Variants in FRMD4A observed in about 807,000 individuals in gnomAD.
FRMD4A encodes the protein FERM domain-containing protein 4A.
In FRMD4A, 29 loss-of-function variants were observed where a neutral mutation model predicts 129.1. The observed-to-expected ratio is 0.22, with a 90% CI of 0.17 to 0.31. FRMD4A has a LOEUF of 0.31. Ranked by LOEUF, FRMD4A falls within the 10% of genes least tolerant of loss-of-function variation. The pLI is 1.00. For synonymous variants in FRMD4A, 634 were observed against 571.6 expected (o/e 1.11, Z -1.56); for missense variants, 1,272 against 1,375.8 (o/e 0.92, Z 1.19).
intron 5 of FRMD4A, among the ~76,000 whole-genome samples, chr10:13,788,040 T>C (rs2092910878): frequency 6.6e-6 from 1 of 152,190 alleles, no homozygotes; most frequent in African/African-American, 2.4e-5. Context: ...ATGAAGGCTA[T>C]GTCTCGGATT....
intron 2 of FRMD4A, among the ~76,000 whole-genome samples, chr10:14,057,644 C>T (rs527493234): frequency 5.9e-5 from 9 of 152,046 alleles, no homozygotes; most frequent in African/African-American, 2.2e-4. Context: ...GATCTCTGCT[C>T]ACCACAACCT....
chr10:14,131,685 G>T (rs1839269083), intron 2 of FRMD4A, among the ~76,000 whole-genome samples: 1 of 152,200 alleles, frequency 6.6e-6, no homozygotes, highest in East Asian at 1.9e-4. Flanking sequence ...TTAAAATCTT[G>T]ACTCAGGAAA....
chr10:14,222,070 G>A (rs1416733587), intron 2 of FRMD4A, among the ~76,000 whole-genome samples: 1 of 152,196 alleles, frequency 6.6e-6, no homozygotes, highest in Non-Finnish European at 1.5e-5. Context: ...CATGCCATAT[G>A]TGTCCAATGT....
chr10:13,911,041 G>A (rs1356523128), intron 2 of FRMD4A, among the ~76,000 whole-genome samples: 1 of 152,038 alleles, frequency 6.6e-6, no homozygotes, highest in Non-Finnish European at 1.5e-5. Context: ...TCTCAGCCAG[G>A]GAAAGTGCTA....
intron 2 of FRMD4A, among the ~76,000 whole-genome samples, chr10:14,077,256 A>G (rs766465764): frequency 3.9e-5 from 6 of 152,176 alleles, no homozygotes; most frequent in Non-Finnish European, 8.8e-5. Context: ...TTGGTCCTCA[A>G]ACTTCTGGTT....
intron 2 of FRMD4A, among the ~76,000 whole-genome samples, chr10:14,128,498 C>T (rs769555869): frequency 4.6e-5 from 7 of 152,144 alleles, no homozygotes; most frequent in African/African-American, 1.7e-4. Context: ...ATTAGCATAG[C>T]CATATTTCAA....
At chr10:13,973,153 C>T (rs2095527337) in intron 2 of FRMD4A, among the ~76,000 whole-genome samples, 1 of 152,178 alleles carries the variant, frequency 6.6e-6, no homozygotes, top group Non-Finnish European at 1.5e-5. Context: ...AGGTCACTTA[C>T]TTAAAGTGGA....
intron 24 of FRMD4A, chr10:13,651,677 CAA>C (rs1202161168): frequency 4.4e-5 from 24 of 543,456 alleles, no homozygotes; most frequent in African/African-American, 7.6e-5. Context: ...TGTCTCAAAA[CAA>C]AACATACTCT....
In FRMD4A at chr10:13,989,448, C is replaced by A. The variant is rs181816912; in HGVS notation, c.46-130536G>T. On this transcript the variant is annotated intron_variant, in intron 2 of 24. Transcript: ENST00000357447. ...TTGGCTCACTGCAACTTCCGCCTCC[C>A]GGGTTCAAGCGATTCTCCTGACTCA... Among the ~76,000 whole-genome samples, 275 of 152,178 alleles carry A rather than the reference C, an allele frequency of 1.8e-3. 1 individual carries two copies. The highest frequency in any genetic ancestry group is 6.2e-3 in the African/African-American group (257 of 41,516).
intron 2 of FRMD4A, among the ~76,000 whole-genome samples, chr10:14,089,639 A>AAC (rs373874091): frequency 9.9e-6 from 1 of 100,558 alleles, no homozygotes; most frequent in African/African-American, 5.2e-5. Context: ...ACAAAAAAAA[A>AAC]CAAACAAAAA....
At chr10:14,237,412 C>A (rs1454536641) in intron 2 of FRMD4A, among the ~76,000 whole-genome samples, 1 of 152,114 alleles carries the variant, frequency 6.6e-6, no homozygotes, top group African/African-American at 2.4e-5. Flanking sequence ...CTCACTGTAA[C>A]CTCTGCCTCC....
chr10:13,732,077 G>C (rs1008765200), intron 12 of FRMD4A, among the ~76,000 whole-genome samples: 1 of 152,138 alleles, frequency 6.6e-6, no homozygotes, highest in African/African-American at 2.4e-5. Context: ...TCTTTAGAAG[G>C]TCCAGGTAGC....
intron 2 of FRMD4A, among the ~76,000 whole-genome samples, chr10:13,990,088 C>A (rs2095598055): frequency 6.6e-6 from 1 of 152,124 alleles, no homozygotes; most frequent in Non-Finnish European, 1.5e-5. Context: ...GGCTGCGTAA[C>A]CCTGGACAAA....
chr10:14,282,467 G>A lies in FRMD4A; in HGVS notation c.45+47591C>T, dbSNP rs550445102. Among the ~76,000 whole-genome samples the A allele has an allele frequency of 6.6e-4, 100 of 152,258 alleles. 2 individuals are homozygous for A. The South Asian group carries it at 0.018, about 27-fold the overall frequency. ...CTAATAAAATGAGTAATCGCCTTGC[G>A]TTAGCCGTGAGGAAGCAACAACAGC... On this transcript the variant is annotated intron_variant, in intron 2 of 24. Transcript: ENST00000357447.
At chr10:13,984,503 C>T (rs146055836) in intron 2 of FRMD4A, among the ~76,000 whole-genome samples, 248 of 152,268 alleles carry the variant, frequency 1.6e-3, no homozygotes, top group African/African-American at 5.4e-3. Flanking sequence ...ATTGCAAAAC[C>T]GACCTCTGTA....
chr10:14,194,265 C>G (rs55755548), intron 2 of FRMD4A, among the ~76,000 whole-genome samples: 6,861 of 152,236 alleles, frequency 0.045, 250 homozygotes, highest in Non-Finnish European at 0.067. Context: ...CACTCGTCAG[C>G]CCTACTACTT....
intron 2 of FRMD4A, chr10:13,891,696 T>C: frequency 1.0e-6 from 1 of 984,910 alleles, no homozygotes; most frequent in East Asian, 1.1e-4. Context: ...GGAACGGGCG[T>C]CCCATTCGCC....
Position 13,790,050 on chromosome 10 carries a change from C to T in FRMD4A, c.299+6446G>A, listed in dbSNP as rs927123503. ...AGTCCAGGAGAGGTTTATGGAAGCC[C>T]TAATTACTATTAGGCTGTGTATGGA... On this transcript the variant is annotated intron_variant, in intron 5 of 24. Transcript: ENST00000357447. Among the ~76,000 whole-genome samples the T allele has an allele frequency of 5.3e-5, 8 of 151,860 alleles. No individual in the cohort carries two copies. The East Asian group carries it at 1.4e-3, about 26-fold the overall frequency.
chr10:14,291,430 T>G (rs1845847569), intron 2 of FRMD4A, among the ~76,000 whole-genome samples: 1 of 152,142 alleles, frequency 6.6e-6, no homozygotes, highest in Non-Finnish European at 1.5e-5. Context: ...ATCTTTCTAC[T>G]ACACTACCAT....
Sources: allele counts gnomAD v4.1 joint callset (sites outside exome capture counted in the v4.1 genomes callset), GRCh38; gene constraint gnomAD v4.1.1; transcripts MANE v1.5; gene names NCBI Gene and HGNC (gene_info 2026-07-23, HGNC 2026-07-21).